Variants in FYB1 observed in about 807,000 individuals in gnomAD.
FYB1 encodes FYN-binding protein 1.
In FYB1, 41 loss-of-function variants were observed where a neutral mutation model predicts 94.1. The ratio of observed to expected loss-of-function variants is 0.44; its 90% confidence interval spans 0.34 to 0.57. The LOEUF (loss-of-function observed/expected upper bound fraction) is 0.57. Among genes scored for constraint, FYB1 ranks in the 20% least tolerant of loss-of-function variants. The pLI, the probability that FYB1 is intolerant of heterozygous loss-of-function variation, is 0.02. For synonymous variants in FYB1, 367 were observed against 353.2 expected (o/e 1.04, Z -0.44); for missense variants, 1,050 against 976.8 (o/e 1.07, Z -1.00).
At chr5:39,178,010 A>G (rs1488754615) in intron 2 of FYB1, among the ~76,000 whole-genome samples, 1 of 152,214 alleles carries the variant, frequency 6.6e-6, no homozygotes, top group East Asian at 1.9e-4. Context: ...AATATTTTCC[A>G]CCAGTGAACT....
At chr5:39,244,338 G>GT (rs1180437204) in intron 1 of FYB1, among the ~76,000 whole-genome samples, 1 of 152,132 alleles carries the variant, frequency 6.6e-6, no homozygotes, top group East Asian at 1.9e-4. Context: ...TTTATAGAGA[G>GT]TTTTCAGCAT....
intron 3 of FYB1, among the ~76,000 whole-genome samples, chr5:39,141,530 C>T (rs1160034208): frequency 2.0e-5 from 3 of 152,168 alleles, no homozygotes. Flanking sequence ...TGGCTCACAC[C>T]TGTAATCCCA....
At chr5:39,200,308 C>T (rs186223291) in intron 2 of FYB1, among the ~76,000 whole-genome samples, 151 of 152,268 alleles carry the variant, frequency 9.9e-4, no homozygotes, top group Non-Finnish European at 1.4e-3. Flanking sequence ...CACTGAAAAG[C>T]GTGACACCGG....
At chr5:39,181,308 G>A (rs1179564288) in intron 2 of FYB1, among the ~76,000 whole-genome samples, 2 of 152,206 alleles carry the variant, frequency 1.3e-5, no homozygotes, top group Non-Finnish European at 2.9e-5. Context: ...CTTATATACT[G>A]TAGCTACTAG....
chr5:39,214,813 A>G (rs834516), intron 1 of FYB1, among the ~76,000 whole-genome samples: 145,411 of 152,230 alleles, frequency 0.96, 69,802 homozygotes, highest in East Asian at 1. Flanking sequence ...CTGTAATCCC[A>G]GGTTACTTGG....
intron 1 of FYB1, among the ~76,000 whole-genome samples, chr5:39,240,826 A>G (rs1751173116): frequency 6.6e-6 from 1 of 152,228 alleles, no homozygotes; most frequent in Non-Finnish European, 1.5e-5. Flanking sequence ...TTGGGTATAT[A>G]CCCAAGGGAA....
chr5:39,266,447 A>C (rs1752440077), intron 1 of FYB1, among the ~76,000 whole-genome samples: 1 of 152,206 alleles, frequency 6.6e-6, no homozygotes, highest in Non-Finnish European at 1.5e-5. Flanking sequence ...CTAAATATCT[A>C]ATGTATCTAT....
intron 2 of FYB1, among the ~76,000 whole-genome samples, chr5:39,177,873 T>G (rs149796687): frequency 2.6e-5 from 4 of 152,306 alleles, no homozygotes; most frequent in Non-Finnish European, 5.9e-5. Flanking sequence ...TGGTGACATA[T>G]TTTTGCAAAG....
chr5:39,118,968 TC>T lies in FYB1; in HGVS notation c.2306del (p.Gly769GlufsTer7). On this transcript the variant is annotated frameshift_variant, in exon 16 of 19. Coordinates refer to ENST00000512982, the MANE Select transcript of FYB1 (RefSeq NM_001465.6). LOFTEE classifies it high-confidence loss of function. ...VTTSITSKKW[G>X]TRDLQVKPGE... ...CAGGTTTTACCTGTAGATCTCTGGTTCCCCACTTTTTAGAAGTTATGGAAGT... is the reference window on the plus strand; with the variant it reads ...CAGGTTTTACCTGTAGATCTCTGGTTCCCACTTTTTAGAAGTTATGGAAGT... The T allele has an allele frequency of 6.4e-7, 1 of 1,570,268 alleles. No homozygotes were observed. The highest frequency in any genetic ancestry group is 1.2e-5 in the South Asian group (1 of 85,570).
intron 6 of FYB1, 128 bp from the exon 7 acceptor site, chr5:39,137,848 A>T: frequency 8.1e-7 from 1 of 1,239,412 alleles, no homozygotes; most frequent in Middle Eastern, 1.9e-4. Context: ...TAAAAAGCGA[A>T]AGGTTGTCAA....
chr5:39,214,536 A>G (rs1340691459), intron 1 of FYB1, among the ~76,000 whole-genome samples: 1 of 152,242 alleles, frequency 6.6e-6, no homozygotes, highest in African/African-American at 2.4e-5. Flanking sequence ...GGTTTATAAT[A>G]CAATGGAATG....
At chr5:39,195,676 G>C (rs530124534) in intron 2 of FYB1, among the ~76,000 whole-genome samples, 23 of 152,314 alleles carry the variant, frequency 1.5e-4, no homozygotes, top group African/African-American at 5.3e-4. Flanking sequence ...TCTCTCAGCA[G>C]TATTAAGAAC....
intron 14 of FYB1, among the ~76,000 whole-genome samples, chr5:39,121,865 G>A (rs750169597): frequency 5.9e-5 from 9 of 151,904 alleles, no homozygotes; most frequent in African/African-American, 1.4e-4. Flanking sequence ...TGTAGAAGAC[G>A]GAGGTGGCTT....
chr5:39,112,612 T>A (rs1178992961), intron 16 of FYB1, among the ~76,000 whole-genome samples: 3 of 152,100 alleles, frequency 2.0e-5, no homozygotes, highest in South Asian at 2.1e-4. Flanking sequence ...ATCTATTTTT[T>A]AAAACTCATT....
At chr5:39,180,541 T>G (rs1746130113) in intron 2 of FYB1, among the ~76,000 whole-genome samples, 1 of 152,232 alleles carries the variant, frequency 6.6e-6, no homozygotes, top group South Asian at 2.1e-4. Flanking sequence ...GAAGACTATG[T>G]GGGCAGAACT....
At chr5:39,247,623 T>C (rs1347790649) in intron 1 of FYB1, among the ~76,000 whole-genome samples, 2 of 152,152 alleles carry the variant, frequency 1.3e-5, no homozygotes, top group African/African-American at 2.4e-5. Context: ...ATATTATTTA[T>C]ATTGGATATT....
chr5:39,175,408 G>A (rs16868237), intron 2 of FYB1, among the ~76,000 whole-genome samples: 7,266 of 152,224 alleles, frequency 0.048, 620 homozygotes, highest in African/African-American at 0.17. Flanking sequence ...TATCAAGAAA[G>A]TGACTCACAT....
chr5:39,178,607 A>G (rs1449383211), intron 2 of FYB1, among the ~76,000 whole-genome samples: 1 of 152,206 alleles, frequency 6.6e-6, no homozygotes, highest in East Asian at 1.9e-4. Context: ...GAGAGACGAA[A>G]ATAAAGTTAC....
upstream of FYB1, among the ~76,000 whole-genome samples, chr5:39,222,108 C>G (rs1235800417): frequency 6.6e-6 from 1 of 152,094 alleles, no homozygotes; most frequent in Admixed American, 6.6e-5. Context: ...ATGTACTGCC[C>G]CCTCTCCTTT....
Sources: gnomAD v4.1 joint callset for allele counts (sites outside exome capture counted in the v4.1 genomes callset) on GRCh38, gnomAD v4.1.1 for gene constraint, MANE v1.5 for transcripts, NCBI Gene and HGNC (gene_info 2026-07-23, HGNC 2026-07-21) for gene names.